The following MORN2 variants were observed in gnomAD, a reference collection of about 807,000 sequenced individuals.
MORN2 encodes MORN repeat containing 2.
In MORN2, 15 loss-of-function variants were observed where a neutral mutation model predicts 13.4. The observed-to-expected ratio is 1.12, with a 90% CI of 0.75 to 1.72. The LOEUF is 1.72. Among genes scored for constraint, MORN2 ranks in the 40% most tolerant of loss-of-function variants. The probability of loss-of-function intolerance (pLI) is 0.00; values close to 1 mark genes in which losing one functional copy is unlikely to be tolerated. For missense variants in MORN2, 168 were observed against 134.6 expected (o/e 1.25, Z -1.23); for synonymous variants, 46 against 43.6 (o/e 1.06, Z -0.22).
chr2:38,879,171 C>G (rs545830397), intron 1 of MORN2, among the ~76,000 whole-genome samples: 2 of 152,192 alleles, frequency 1.3e-5, no homozygotes, highest in Admixed American at 6.5e-5. Flanking sequence ...CCATTTCTTC[C>G]TATTGCCAAT....
chr2:38,877,763 G>A (rs1007432067), intron 1 of MORN2, among the ~76,000 whole-genome samples: 5 of 151,228 alleles, frequency 3.3e-5, no homozygotes, highest in African/African-American at 9.7e-5. Context: ...TTACAGGCAT[G>A]AGCCACCAGA....
chr2:38,880,290 A>T lies in MORN2; in HGVS notation c.109+61A>T, dbSNP rs576366873. 2.5e-4 allele frequency: 98 copies of T among 399,356 alleles called. 2 individuals carry two copies. The South Asian group carries it at 0.012, about 47-fold the overall frequency. 24.7% of individuals were successfully genotyped at this position (399,356 alleles called of 1,614,324 possible). On this transcript the variant is annotated intron_variant, in intron 2 of 4. Transcript: ENST00000644631. ...AAATTAAATAGCTTAGGAATAAAAAACTGAGACTGTTAAATTTTATAAAAC... is the reference window on the plus strand; with the variant it reads ...AAATTAAATAGCTTAGGAATAAAAATCTGAGACTGTTAAATTTTATAAAAC...
chr2:38,876,465 A>G (rs540392751), intron 1 of MORN2, among the ~76,000 whole-genome samples: 37 of 152,288 alleles, frequency 2.4e-4, no homozygotes, highest in Admixed American at 1.4e-3. Flanking sequence ...ATTACGTTTA[A>G]TGCTCTGCTT....
intron 3 of MORN2, among the ~76,000 whole-genome samples, chr2:38,881,102 TAAC>T (rs1457459671): frequency 4.6e-5 from 7 of 152,174 alleles, no homozygotes; most frequent in Non-Finnish European, 1.0e-4. Flanking sequence ...TTTGAATTCT[TAAC>T]AACTACTTTG....
chr2:38,876,367 C>G (rs570747089), intron 1 of MORN2, among the ~76,000 whole-genome samples: 2 of 152,352 alleles, frequency 1.3e-5, no homozygotes, highest in Non-Finnish European at 2.9e-5. Context: ...CGGGTGGTCT[C>G]TGTGAGGTTC....
rs1665804428 is a variant in MORN2, at chr2:38,882,650, C to G, written c.*135C>G. 3.7e-6 allele frequency: 2 copies of G among 533,546 alleles called. No individual in the cohort carries two copies. The highest frequency in any genetic ancestry group is 3.8e-5 in the African/African-American group (2 of 52,696). The allele number at this position is 533,546 out of a possible 1,614,324, so 33.1% of individuals were successfully genotyped here. On this transcript the variant is annotated 3_prime_UTR_variant, in exon 5 of 5. Transcript: ENST00000644631. ...CCAATAAAACCATCACCTGCTTACA[C>G]CTTTTTGAACTTTATATTCATTGTC...
intron 1 of MORN2, among the ~76,000 whole-genome samples, chr2:38,876,526 C>G (rs1665629642): frequency 6.6e-6 from 1 of 152,232 alleles, no homozygotes; most frequent in South Asian, 2.1e-4. Flanking sequence ...ACTAGACGTT[C>G]TGTTACTATT....
At chr2:38,880,945 A>G (rs1024378806) in intron 3 of MORN2, among the ~76,000 whole-genome samples, 2 of 152,176 alleles carry the variant, frequency 1.3e-5, no homozygotes, top group African/African-American at 2.4e-5. Flanking sequence ...CCGTTACATA[A>G]TTTTCTCATT....
At chr2:38,879,428 A>G (rs1166746453) in intron 1 of MORN2, among the ~76,000 whole-genome samples, 1 of 152,232 alleles carries the variant, frequency 6.6e-6, no homozygotes, top group Non-Finnish European at 1.5e-5. Flanking sequence ...CTGTTTCTGT[A>G]CAACATATTT....
intron 1 of MORN2, among the ~76,000 whole-genome samples, chr2:38,876,716 G>T (rs1175996361): frequency 6.6e-6 from 1 of 152,176 alleles, no homozygotes; most frequent in East Asian, 1.9e-4. Flanking sequence ...AGGAGTCTGA[G>T]GTTGACAAGT....
At position 38,882,506 on chromosome 2, in the gene MORN2, T is replaced by G; in HGVS notation, c.447T>G (p.Leu149=). 1 of 1,548,720 alleles carries G rather than the reference T, an allele frequency of 6.5e-7. No individual in the cohort carries two copies. The stretch of plus-strand genomic sequence containing the variant: ...CTGCTCCAGACCTGAAATTAAAGCT[T>G]CACATGTAGATGTGATGTTAAATTA... The change falls in exon 5 of 5, where the codon CTT becomes CTG. Residue 149 remains leucine, a synonymous_variant. Transcript: ENST00000644631.
intron 1 of MORN2, among the ~76,000 whole-genome samples, chr2:38,879,583 C>G (rs1199116444): frequency 6.6e-6 from 1 of 151,090 alleles, no homozygotes; most frequent in African/African-American, 2.4e-5. Context: ...CCAGAATAGG[C>G]AAATCCCTGA....
intron 1 of MORN2, among the ~76,000 whole-genome samples, chr2:38,877,181 G>C (rs1665653686): frequency 6.6e-6 from 1 of 152,134 alleles, no homozygotes; most frequent in South Asian, 2.1e-4. Flanking sequence ...CAGGAGAATG[G>C]CGTGAACCCG....
chr2:38,882,145 G>C (rs561566105), intron 4 of MORN2, among the ~76,000 whole-genome samples: 20 of 149,930 alleles, frequency 1.3e-4, no homozygotes, highest in Middle Eastern at 3.5e-3. Flanking sequence ...TTTTGGTTTT[G>C]TGTGAACCTA....
chr2:38,880,503 G>C, intron 2 of MORN2, 97 bp from the exon 3 acceptor site: 1 of 622,724 alleles, frequency 1.6e-6, no homozygotes, highest in Non-Finnish European at 2.5e-6. Flanking sequence ...ACTGGTTTCA[G>C]TGCTAGGGAG....
chr2:38,880,153 C>G (rs1310975718), intron 1 of MORN2, 26 bp from the exon 2 acceptor site: 2 of 398,734 alleles, frequency 5.0e-6, no homozygotes, highest in East Asian at 7.1e-5. Context: ...AAACTTATGT[C>G]ACTGTTTTTA....
chr2:38,881,706 A>G (rs1665781941), intron 4 of MORN2, 128 bp downstream of exon 4: 2 of 757,710 alleles, frequency 2.6e-6, no homozygotes, highest in Non-Finnish European at 3.9e-6. Flanking sequence ...GCAGGAGTGC[A>G]GTGGAGTGAT....
At chr2:38,880,493 A>G in intron 2 of MORN2, 107 bp from the exon 3 acceptor site, 1 of 532,320 alleles carries the variant, frequency 1.9e-6, no homozygotes, top group Non-Finnish European at 3.1e-6. Flanking sequence ...CTCTGGTCTC[A>G]CTGGTTTCAG....
chr2:38,881,595 A>C lies in MORN2; in HGVS notation c.353+17A>C. On this transcript the variant is annotated intron_variant, in intron 4 of 4. Coordinates refer to ENST00000644631, the MANE Select transcript of MORN2 (RefSeq NM_001145450.3). ...TGAAAATAGGTAAGCTTAAAATAAA[A>C]AAAAATCACTGCATTTCTAAAAGAT... 6.8e-7 allele frequency: 1 copy of C among 1,472,348 alleles called. No individual in the cohort carries two copies. The highest frequency in any genetic ancestry group is 9.0e-7 in the Non-Finnish European group (1 of 1,107,666). 91.2% of individuals were successfully genotyped at this position (1,472,348 alleles called of 1,614,324 possible).
Sources: allele counts gnomAD v4.1 joint callset (sites outside exome capture counted in the v4.1 genomes callset), GRCh38; gene constraint gnomAD v4.1.1; transcripts MANE v1.5; gene names NCBI Gene and HGNC (gene_info 2026-07-23, HGNC 2026-07-21).